The following PRLR variants were observed in gnomAD, a reference collection of about 807,000 sequenced individuals.
PRLR encodes the protein hPRL receptor.
Under a neutral mutation model 40.2 loss-of-function variants are expected in PRLR, and 13 were observed. The ratio of observed to expected loss-of-function variants is 0.32; its 90% confidence interval spans 0.21 to 0.51. The LOEUF (loss-of-function observed/expected upper bound fraction) is 0.51, where lower values mean the gene tolerates loss of function less well. PRLR is among the 20% of genes least tolerant of loss of function. The pLI is 0.97. For missense variants in PRLR, 656 were observed against 747.3 expected (o/e 0.88, Z 1.42); for synonymous variants, 269 against 278.7 (o/e 0.97, Z 0.35).
At chr5:35,109,859 A>G (rs1431998122) in intron 2 of PRLR, among the ~76,000 whole-genome samples, 1 of 152,236 alleles carries the variant, frequency 6.6e-6, no homozygotes, top group Non-Finnish European at 1.5e-5. Flanking sequence ...CAGCCATCCC[A>G]TTACTGCATA....
At chr5:35,181,550 C>T (rs376896196) in intron 1 of PRLR, among the ~76,000 whole-genome samples, 2 of 152,148 alleles carry the variant, frequency 1.3e-5, no homozygotes, top group East Asian at 1.9e-4. Context: ...TTCTTCATCC[C>T]TTAATAGACT....
rs141176207 is a variant in PRLR at position 35,075,978 on chromosome 5, T to A, written c.374-3234A>T. 2.6e-4 allele frequency among the ~76,000 whole-genome samples: 39 copies of A among 152,362 alleles called. No homozygotes were observed. In the East Asian group the frequency reaches 6.8e-3, roughly 26 times the overall value. ...CCAACAGACCTGCAGCTGAGGGTCC[T>A]GACTGTTAGAAGGAAAACTAACTAA... On this transcript the variant is annotated intron_variant, in intron 5 of 9. Transcript: ENST00000618457.
At chr5:35,119,522 C>T (rs1773206205) in intron 1 of PRLR, among the ~76,000 whole-genome samples, 1 of 152,130 alleles carries the variant, frequency 6.6e-6, no homozygotes, top group African/African-American at 2.4e-5. Context: ...AGACAGCCAG[C>T]CCCAAGGCAT....
At chr5:35,100,244 C>A (rs1771795836) in intron 2 of PRLR, among the ~76,000 whole-genome samples, 3 of 148,704 alleles carry the variant, frequency 2.0e-5, no homozygotes, top group South Asian at 2.1e-4. Flanking sequence ...TAAGTTACAG[C>A]AAGCTAAGGT....
chr5:35,191,536 C>A (rs1417616407), intron 1 of PRLR, among the ~76,000 whole-genome samples: 2 of 152,150 alleles, frequency 1.3e-5, no homozygotes, highest in African/African-American at 4.8e-5. Context: ...TCTGTCTTGT[C>A]CCCTCCAAAC....
At chr5:35,135,685 T>C (rs1773834532) in intron 1 of PRLR, among the ~76,000 whole-genome samples, 1 of 152,202 alleles carries the variant, frequency 6.6e-6, no homozygotes, top group Non-Finnish European at 1.5e-5. Context: ...GTGGCTTCTC[T>C]AGCCAGAACC....
intron 6 of PRLR, among the ~76,000 whole-genome samples, chr5:35,071,205 G>A (rs758518575): frequency 8.5e-5 from 13 of 152,168 alleles, no homozygotes; most frequent in Admixed American, 1.3e-4. Flanking sequence ...AAATGGAGGC[G>A]TAGAGAAATT....
intron 1 of PRLR, among the ~76,000 whole-genome samples, chr5:35,182,105 T>TA (rs1160122020): frequency 6.6e-6 from 1 of 152,144 alleles, no homozygotes; most frequent in Non-Finnish European, 1.5e-5. Flanking sequence ...GATCAGTACT[T>TA]AGAGTCTTCC....
downstream of PRLR, among the ~76,000 whole-genome samples, chr5:35,052,250 T>A (rs1475000714): frequency 6.6e-6 from 1 of 152,106 alleles, no homozygotes; most frequent in Admixed American, 6.5e-5. Flanking sequence ...ATAAGTGAGG[T>A]TCATCTCAAG....
rs904442217 is a variant in PRLR, at chr5:35,064,557, T to A, written c.*532A>T. 6.5e-6 allele frequency: 1 copy of A among 153,582 alleles called. No homozygotes were observed. Among genetic ancestry groups the A allele is most frequent in the African/African-American group, 2.4e-5 (1 of 41,476 alleles). 9.5% of individuals were successfully genotyped at this position (153,582 alleles called of 1,614,324 possible). A position where few individuals can be genotyped will look rare whatever the true frequency, so the allele number is the denominator to read the frequency against. ...ATATCAGCAATGTGTCAGTAAGGTA[T>A]AGGAACTTATGTAAACAATTTGTTC... On this transcript the variant is annotated 3_prime_UTR_variant, in exon 10 of 10. Transcript: ENST00000618457.
intron 2 of PRLR, among the ~76,000 whole-genome samples, chr5:35,117,402 C>T (rs555434639): frequency 5.9e-5 from 9 of 152,310 alleles, no homozygotes; most frequent in Admixed American, 2.6e-4. Flanking sequence ...TCGTACATGT[C>T]GAGCTCATCT....
At chr5:35,152,139 C>T (rs954286) in intron 1 of PRLR, among the ~76,000 whole-genome samples, 120,355 of 152,148 alleles carry the variant, frequency 0.79, 50,546 homozygotes, top group Non-Finnish European at 0.92. Context: ...GTATAATCCG[C>T]GTGATCCATT....
Position 35,118,052 on chromosome 5 carries a change from C to G in PRLR, c.-44+9G>C. The G allele has an allele frequency of 7.1e-6, 7 of 984,164 alleles. No individual in the cohort carries two copies. Among genetic ancestry groups the G allele is most frequent in the Non-Finnish European group, 8.4e-6 (7 of 828,414 alleles). 61.0% of individuals were successfully genotyped at this position (984,164 alleles called of 1,614,324 possible). On this transcript the variant is annotated intron_variant, in intron 2 of 9. Coordinates refer to ENST00000618457, the MANE Select transcript of PRLR (RefSeq NM_000949.7). ...GTGACCGAGGGGCATGAGAACAAGT[C>G]CCCCTTACCTTCAGGGTTCATGTGG...
At chr5:35,155,092 ATG>A (rs1485422191) in intron 1 of PRLR, among the ~76,000 whole-genome samples, 1 of 132,802 alleles carries the variant, frequency 7.5e-6, no homozygotes, top group African/African-American at 4.3e-5. Context: ...ACCACGGCAC[ATG>A]TTTACCTGTG....
At chr5:35,196,442 T>A (rs1775738533) in intron 1 of PRLR, among the ~76,000 whole-genome samples, 1 of 152,198 alleles carries the variant, frequency 6.6e-6, no homozygotes, top group East Asian at 1.9e-4. Flanking sequence ...AAGGGTGTGT[T>A]TTGGGATCCA....
chr5:35,065,810 G>A lies in PRLR; in HGVS notation c.1148C>T (p.Pro383Leu). 3 of 1,614,036 alleles carry A rather than the reference G, an allele frequency of 1.9e-6. No homozygotes were observed. The highest frequency in any genetic ancestry group is 2.5e-6 in the Non-Finnish European group (3 of 1,180,000). Reference sequence around the variant, plus strand: ...GGTGTGGGTTGTTTCAGGATTCTCTGGCTTCTCAATGACCTCAGGATCATA... The same window carrying A: ...GGTGTGGGTTGTTTCAGGATTCTCTAGCTTCTCAATGACCTCAGGATCATA... ...TFYDPEVIEK[P>L]ENPETTHTWD... The change falls in exon 10 of 10, where the codon CCA (proline) becomes CTA (leucine). Residue 383 changes from proline to leucine, a missense_variant. Coordinates refer to ENST00000618457, the MANE Select transcript of PRLR (RefSeq NM_000949.7).
intron 3 of PRLR, among the ~76,000 whole-genome samples, chr5:35,086,896 T>C (rs1770889365): frequency 1.3e-5 from 2 of 152,186 alleles, no homozygotes; most frequent in African/African-American, 2.4e-5. Flanking sequence ...TTGTTCCTGA[T>C]CTTCTGTCCG....
chr5:35,219,031 G>C (rs1006231948), intron 1 of PRLR, among the ~76,000 whole-genome samples: 2 of 152,150 alleles, frequency 1.3e-5, no homozygotes, highest in Admixed American at 1.3e-4. Flanking sequence ...CGGCGGGGTG[G>C]GGGGTGGTTT....
chr5:35,160,511 CA>C (rs1774643849), intron 1 of PRLR, among the ~76,000 whole-genome samples: 1 of 152,128 alleles, frequency 6.6e-6, no homozygotes, highest in Non-Finnish European at 1.5e-5. Flanking sequence ...AGCCCCTCCC[CA>C]AAAGTCAACC....
Sources: gnomAD v4.1 joint callset for allele counts (sites outside exome capture counted in the v4.1 genomes callset) on GRCh38, gnomAD v4.1.1 for gene constraint, MANE v1.5 for transcripts, NCBI Gene and HGNC (gene_info 2026-07-23, HGNC 2026-07-21) for gene names.